INSYN2B: variants seen among roughly 807,000 people sequenced by gnomAD.
The protein encoded by INSYN2B is inhibitory synaptic factor family member 2B, also known as protein INSYN2B.
In INSYN2B, 16 loss-of-function variants were observed where a neutral mutation model predicts 41.2. The ratio of observed to expected loss-of-function variants is 0.39; its 90% CI spans 0.26 to 0.59. The LOEUF is 0.59. Among genes scored for constraint, INSYN2B ranks in the 20% least tolerant of loss-of-function variants. The pLI, the probability that INSYN2B is intolerant of heterozygous loss-of-function variation, is 0.57. For missense variants in INSYN2B, 608 were observed against 646.4 expected (o/e 0.94, Z 0.64); for synonymous variants, 245 against 244.4 (o/e 1.00, Z -0.02).
chr5:169,909,851 C>T (rs1488141572), intron 1 of INSYN2B, among the ~76,000 whole-genome samples: 1 of 152,170 alleles, frequency 6.6e-6, no homozygotes, highest in African/African-American at 2.4e-5. Flanking sequence ...GGAAAATCAC[C>T]TGAGACATAC....
At chr5:169,912,456 G>A (rs1774650886) in intron 1 of INSYN2B, among the ~76,000 whole-genome samples, 1 of 152,124 alleles carries the variant, frequency 6.6e-6, no homozygotes, top group Non-Finnish European at 1.5e-5. Context: ...TTCATCTTTT[G>A]GCACGTGTAT....
intron 1 of INSYN2B, among the ~76,000 whole-genome samples, chr5:169,944,298 G>A (rs549945137): frequency 2.0e-5 from 3 of 152,310 alleles, no homozygotes; most frequent in Middle Eastern, 3.4e-3. Context: ...AGGTGATGAC[G>A]GCAGTGTGGC....
At chr5:169,945,140 TC>T (rs1302392314) in intron 1 of INSYN2B, among the ~76,000 whole-genome samples, 2 of 152,256 alleles carry the variant, frequency 1.3e-5, no homozygotes, top group Non-Finnish European at 2.9e-5. Flanking sequence ...CCCAGAAGAA[TC>T]CTCTGACATG....
rs559610847 is a variant in INSYN2B, at chr5:169,958,533, C to T, written c.-919+21744G>A. 5.9e-4 allele frequency among the ~76,000 whole-genome samples: 89 copies of T among 151,982 alleles called. 5 individuals are homozygous for T. In the South Asian group the frequency reaches 0.014, roughly 24 times the overall value. On this transcript the variant is annotated intron_variant, in intron 1 of 3. Coordinates refer to ENST00000377365, the MANE Select transcript of INSYN2B (RefSeq NM_001129891.3). Reference sequence around the variant, plus strand: ...GTTACCATTAGCCCAGCCCCCTTTCCGTCTTACTATTAAAATAGAGGACAA... The same window carrying T: ...GTTACCATTAGCCCAGCCCCCTTTCTGTCTTACTATTAAAATAGAGGACAA...
intron 1 of INSYN2B, among the ~76,000 whole-genome samples, chr5:169,934,077 T>C (rs529585977): frequency 6.6e-6 from 1 of 152,300 alleles, no homozygotes; most frequent in Admixed American, 6.5e-5. Flanking sequence ...GTGGTCACAT[T>C]TGTAGCACAC....
rs1010202062 is a variant in INSYN2B, at chr5:169,980,390, G to A, written c.-1032C>T. 1 of 152,142 alleles carries A rather than the reference G, an allele frequency of 6.6e-6. No individual in the cohort carries two copies. The highest frequency in any genetic ancestry group is 2.4e-5 in the African/African-American group (1 of 41,418). The allele number at this position is 152,142 out of a possible 1,614,324, so 9.4% of individuals were successfully genotyped here. ...GAAGGAATAATAAGTCCTTCATATT[G>A]TAATTTTCACTGTTTATATGCAAGA... On this transcript the variant is annotated 5_prime_UTR_variant, in exon 1 of 4. Transcript: ENST00000377365.
intron 1 of INSYN2B, among the ~76,000 whole-genome samples, chr5:169,907,865 G>C (rs1774374643): frequency 1.3e-5 from 2 of 152,140 alleles, no homozygotes; most frequent in Admixed American, 6.5e-5. Flanking sequence ...TAGAGGGCAG[G>C]GATGCTCTAA....
At chr5:169,914,925 C>T (rs1226939920) in intron 1 of INSYN2B, among the ~76,000 whole-genome samples, 1 of 152,224 alleles carries the variant, frequency 6.6e-6, no homozygotes, top group Admixed American at 6.5e-5. Context: ...TTGCTGTGGC[C>T]TCTTCCCACA....
In INSYN2B at chr5:169,980,303, G is replaced by A. The variant is rs1472628780; in HGVS notation, c.-945C>T. The A allele has an allele frequency of 6.6e-6, 1 of 152,154 alleles. No individual in the cohort carries two copies. Among genetic ancestry groups the A allele is most frequent in the African/African-American group, 2.4e-5 (1 of 41,424 alleles). The allele number at this position is 152,154 out of a possible 1,614,324, so 9.4% of individuals were successfully genotyped here. A position where few individuals can be genotyped will look rare whatever the true frequency, so the allele number is the denominator to read the frequency against. ...TTGAAGCAGTGGAATTACCTGCAGA[G>A]GATGGTCCCCCTTCCTTGCACAATG... On this transcript the variant is annotated 5_prime_UTR_variant, in exon 1 of 4. Coordinates refer to ENST00000377365, the MANE Select transcript of INSYN2B (RefSeq NM_001129891.3).
intron 1 of INSYN2B, among the ~76,000 whole-genome samples, chr5:169,931,688 TAA>T (rs1044574685): frequency 2.6e-5 from 4 of 152,138 alleles, no homozygotes; most frequent in African/African-American, 9.7e-5. Flanking sequence ...GTGAGGGTTA[TAA>T]GTGAGGAAGG....
At chr5:169,978,827 C>T (rs1777832119) in intron 1 of INSYN2B, among the ~76,000 whole-genome samples, 1 of 152,162 alleles carries the variant, frequency 6.6e-6, no homozygotes, top group African/African-American at 2.4e-5. Flanking sequence ...GCGATGATTG[C>T]ACTTATTTTT....
chr5:169,926,885 T>C (rs1016013173), intron 1 of INSYN2B, among the ~76,000 whole-genome samples: 1 of 152,078 alleles, frequency 6.6e-6, no homozygotes, highest in Non-Finnish European at 1.5e-5. Context: ...GACCAGTACA[T>C]GAAAAATAAT....
At position 169,957,902 on chromosome 5, in the gene INSYN2B, G is replaced by A. The variant is rs149279405; in HGVS notation, c.-919+22375C>T. 2.1e-3 allele frequency among the ~76,000 whole-genome samples: 313 copies of A among 152,308 alleles called. 1 individual carries two copies. Among genetic ancestry groups the A allele is most frequent in the African/African-American group, 7.1e-3 (295 of 41,566 alleles). The stretch of plus-strand genomic sequence containing the variant: ...ACATGCCTATTTGCAGAGACACACT[G>A]AGCTAAGCAGCAAAAGTGGAGGTTT... On this transcript the variant is annotated intron_variant, in intron 1 of 3. Coordinates refer to ENST00000377365, the MANE Select transcript of INSYN2B (RefSeq NM_001129891.3).
At chr5:169,925,317 C>A (rs1040216983) in intron 1 of INSYN2B, among the ~76,000 whole-genome samples, 3 of 152,064 alleles carry the variant, frequency 2.0e-5, no homozygotes, top group Admixed American at 6.6e-5. Context: ...ACAGATGGGT[C>A]CTGGTAAGAG....
intron 3 of INSYN2B, among the ~76,000 whole-genome samples, chr5:169,876,100 G>A (rs1380367516): frequency 6.6e-6 from 1 of 152,088 alleles, no homozygotes; most frequent in East Asian, 1.9e-4. Context: ...TTGTGACCAC[G>A]GCACTCTGAC....
chr5:169,886,454 T>A (rs183099434), intron 1 of INSYN2B, among the ~76,000 whole-genome samples: 5 of 152,362 alleles, frequency 3.3e-5, no homozygotes, highest in Non-Finnish European at 7.3e-5. Flanking sequence ...CATGACTAAA[T>A]CCTTTCTGCA....
intron 1 of INSYN2B, among the ~76,000 whole-genome samples, chr5:169,928,935 T>C (rs1775610137): frequency 6.6e-6 from 1 of 152,230 alleles, no homozygotes; most frequent in African/African-American, 2.4e-5. Context: ...ATAACTGCGC[T>C]ATTAATTATG....
intron 1 of INSYN2B, among the ~76,000 whole-genome samples, chr5:169,926,198 G>A (rs1454618605): frequency 6.6e-6 from 1 of 152,168 alleles, no homozygotes; most frequent in Non-Finnish European, 1.5e-5. Flanking sequence ...ATAGGTAGAC[G>A]CAGGCCCAGT....
At chr5:169,950,263 T>G (rs972047458) in intron 1 of INSYN2B, among the ~76,000 whole-genome samples, 1 of 152,246 alleles carries the variant, frequency 6.6e-6, no homozygotes, top group Non-Finnish European at 1.5e-5. Flanking sequence ...TTAACCTTTC[T>G]GAGCCTCACT....
Sources: gnomAD v4.1 joint callset for allele counts (sites outside exome capture counted in the v4.1 genomes callset) on GRCh38, gnomAD v4.1.1 for gene constraint, MANE v1.5 for transcripts, NCBI Gene and HGNC (gene_info 2026-07-23, HGNC 2026-07-21) for gene names.